PTPRC: variants seen among roughly 807,000 people sequenced by gnomAD.
The protein encoded by PTPRC is receptor-type tyrosine-protein phosphatase C.
A neutral mutation model predicts 155.9 loss-of-function variants in PTPRC; 44 were observed. The ratio of observed to expected loss-of-function variants is 0.28; its 90% CI spans 0.22 to 0.36. The LOEUF (loss-of-function observed/expected upper bound fraction) is 0.36. PTPRC is among the 10% of genes least tolerant of loss of function. The pLI, the probability that PTPRC is intolerant of heterozygous loss-of-function variation, is 1.00. For missense variants in PTPRC, 1,401 were observed against 1,564.6 expected (o/e 0.90, Z 1.76); for synonymous variants, 525 against 533.1 (o/e 0.98, Z 0.21).
At chr1:198,728,093 A>G (rs1403674522) in intron 15 of PTPRC, among the ~76,000 whole-genome samples, 1 of 152,210 alleles carries the variant, frequency 6.6e-6, no homozygotes, top group Non-Finnish European at 1.5e-5. Flanking sequence ...TAATCAAAAG[A>G]AAGATAATTA....
At chr1:198,679,133 C>A in intron 2 of PTPRC, 1 of 207,942 alleles carries the variant, frequency 4.8e-6, no homozygotes, top group South Asian at 9.9e-5. Context: ...TGAGCTGCCC[C>A]CTACTTCCCA....
chr1:198,672,719 C>T (rs1664719570), intron 2 of PTPRC, among the ~76,000 whole-genome samples: 2 of 151,362 alleles, frequency 1.3e-5, no homozygotes, highest in Non-Finnish European at 2.9e-5. Context: ...AATTCCTGAT[C>T]TCTGGTGATC....
intron 20 of PTPRC, 119 bp downstream of exon 20, chr1:198,732,675 T>G (rs1172259392): frequency 2.9e-4 from 220 of 749,994 alleles, no homozygotes; most frequent in Non-Finnish European, 8.9e-6. Flanking sequence ...ATGTCACTGA[T>G]ATAAACAAAA....
intron 2 of PTPRC, among the ~76,000 whole-genome samples, chr1:198,689,057 A>G (rs1320744274): frequency 6.6e-6 from 1 of 152,198 alleles, no homozygotes; most frequent in Non-Finnish European, 1.5e-5. Flanking sequence ...TAATAACAAT[A>G]AAATATTATT....
intron 15 of PTPRC, 60 bp downstream of exon 15, chr1:198,722,536 C>T: frequency 4.1e-6 from 4 of 986,264 alleles, no homozygotes; most frequent in Non-Finnish European, 5.4e-6. Context: ...GCTTATAAAG[C>T]TATATTATTT....
chr1:198,675,383 A>G (rs1664893848), intron 2 of PTPRC, among the ~76,000 whole-genome samples: 1 of 152,174 alleles, frequency 6.6e-6, no homozygotes, highest in Non-Finnish European at 1.5e-5. Context: ...TTACTTCATT[A>G]CTAATATTTA....
Position 198,735,178 on chromosome 1 carries a change from G to A in PTPRC, c.2329G>A (p.Gly777Arg). 6.2e-7 allele frequency: 1 copy of A among 1,604,394 alleles called. No individual in the cohort carries two copies. Among genetic ancestry groups the A allele is most frequent in the South Asian group, 1.1e-5 (1 of 89,608 alleles). ...PSMEEGTRAF[G>R]DVVVKINQHK... ...AATGGAAGAGGGCACTCGGGCTTTTGGAGATGTTGTTGTAAAGATCAACCA... is the reference window on the plus strand; with the variant it reads ...AATGGAAGAGGGCACTCGGGCTTTTAGAGATGTTGTTGTAAAGATCAACCA... Residue 777 changes from glycine (G) to arginine (R), a missense_variant, in exon 23 of 33, where the codon GGA (glycine) becomes AGA (arginine). Gly to Arg is a moderately radical substitution (Grantham distance 125). Transcript: ENST00000442510.
intron 17 of PTPRC, among the ~76,000 whole-genome samples, chr1:198,729,593 G>A (rs972907325): frequency 6.6e-6 from 1 of 152,058 alleles, no homozygotes; most frequent in African/African-American, 2.4e-5. Flanking sequence ...TTGGACTTTT[G>A]TTGATACAGT....
rs1301675062 is a variant in PTPRC at position 198,694,052 on chromosome 1, C to A, written c.100+1679C>A. On this transcript the variant is annotated intron_variant, in intron 3 of 32. Transcript: ENST00000442510. ...AAGCTGAGGAGCAAGGAAGCCAATC[C>A]AAGTCACCAAACCTCAAAAGTAGGG... The A allele has an allele frequency of 5.8e-6, 9 of 1,548,860 alleles. No individual in the cohort carries two copies. In the African/African-American group the frequency reaches 1.2e-4, roughly 21 times the overall value.
intron 14 of PTPRC, among the ~76,000 whole-genome samples, chr1:198,719,680 G>A (rs572106952): frequency 1.4e-3 from 205 of 151,800 alleles, no homozygotes; most frequent in Non-Finnish European, 1.6e-3. Context: ...GCGTGATCTC[G>A]GCTCACTGCA....
chr1:198,710,221 AT>A (rs1653222662), intron 11 of PTPRC, among the ~76,000 whole-genome samples: 1 of 152,152 alleles, frequency 6.6e-6, no homozygotes, highest in African/African-American at 2.4e-5. Flanking sequence ...CCCCCACTGA[AT>A]AGTCTTGCCA....
chr1:198,735,109 T>C lies in PTPRC; in HGVS notation c.2278-18T>C, dbSNP rs1246183595. On this transcript the variant is annotated intron_variant, in intron 22 of 32. Transcript: ENST00000442510. ...TTAAATTAAAAATTAAAATACTTAA[T>C]AATTTTTTAAAATGTAGAACAAGTG... The C allele has an allele frequency of 6.4e-6, 10 of 1,561,608 alleles. No individual in the cohort carries two copies. Among genetic ancestry groups the C allele is most frequent in the Non-Finnish European group, 8.7e-6 (10 of 1,151,482 alleles).
At chr1:198,724,522 C>G (rs904903963) in intron 15 of PTPRC, among the ~76,000 whole-genome samples, 4 of 151,998 alleles carry the variant, frequency 2.6e-5, no homozygotes, top group Non-Finnish European at 5.9e-5. Context: ...AAAAATAATT[C>G]TAATTCTCCC....
At chr1:198,728,744 G>C (rs938297372) in intron 16 of PTPRC, among the ~76,000 whole-genome samples, 1 of 152,170 alleles carries the variant, frequency 6.6e-6, no homozygotes, top group African/African-American at 2.4e-5. Flanking sequence ...AGGGATCTAG[G>C]AGTGTCAAAA....
intron 2 of PTPRC, among the ~76,000 whole-genome samples, chr1:198,656,224 A>G (rs987281382): frequency 3.3e-5 from 5 of 152,110 alleles, no homozygotes; most frequent in African/African-American, 9.7e-5. Context: ...CAGAGGTTAC[A>G]AAAATTTGGT....
chr1:198,658,192 G>A (rs557287581), intron 2 of PTPRC, among the ~76,000 whole-genome samples: 7 of 152,080 alleles, frequency 4.6e-5, no homozygotes, highest in Non-Finnish European at 7.4e-5. Context: ...AGTGCCTATC[G>A]TTACAGAGTA....
chr1:198,649,714 G>A (rs971832326), intron 2 of PTPRC, among the ~76,000 whole-genome samples: 11 of 151,764 alleles, frequency 7.2e-5, no homozygotes, highest in African/African-American at 2.4e-4. Flanking sequence ...TTCACTCATC[G>A]ATTCATCAAT....
rs770392074 is a variant in PTPRC at position 198,709,840 on chromosome 1, G to T, written c.1171+16G>T. The T allele has an allele frequency of 7.5e-6, 12 of 1,607,858 alleles. No individual in the cohort carries two copies. The East Asian group carries it at 2.5e-4, about 33-fold the overall frequency. On this transcript the variant is annotated intron_variant, in intron 11 of 32. Transcript: ENST00000442510. ...GATTTTGGGAGTGAGTATGTTACTT[G>T]CATTTATATGTAAAATTGCTTCTCT...
intron 2 of PTPRC, among the ~76,000 whole-genome samples, chr1:198,671,909 A>C (rs1664670751): frequency 6.6e-6 from 1 of 152,138 alleles, no homozygotes; most frequent in Non-Finnish European, 1.5e-5. Flanking sequence ...GATTTGGGCC[A>C]CTCACATTTC....
Sources: gnomAD v4.1 joint callset for allele counts (sites outside exome capture counted in the v4.1 genomes callset) on GRCh38, gnomAD v4.1.1 for gene constraint, MANE v1.5 for transcripts, NCBI Gene and HGNC (gene_info 2026-07-23, HGNC 2026-07-21) for gene names.